NLGN1: variants seen among roughly 807,000 people sequenced by gnomAD.
NLGN1 encodes the protein neuroligin 1.
A neutral mutation model predicts 65.5 loss-of-function variants in NLGN1; 12 were observed. That is an observed-to-expected ratio of 0.18 (90% CI 0.12 to 0.30). NLGN1 has a LOEUF of 0.30. Ranked by LOEUF, NLGN1 falls within the 10% of genes least tolerant of loss-of-function variation. NLGN1 has a pLI of 1.00. For synonymous variants in NLGN1, 350 were observed against 359.5 expected, an observed-to-expected ratio of 0.97 and a Z score of 0.30; for missense variants, 750 against 1,007.1, an observed-to-expected ratio of 0.74 and a Z score of 3.46.
chr3:173,721,956 G>A (rs778390604), intron 3 of NLGN1, among the ~76,000 whole-genome samples: 1 of 151,720 alleles, frequency 6.6e-6, no homozygotes, highest in South Asian at 2.1e-4. Flanking sequence ...AAAAAAAAGG[G>A]ACCCCAGTGG....
At chr3:174,131,048 G>A (rs1681677932) in intron 4 of NLGN1, among the ~76,000 whole-genome samples, 1 of 152,096 alleles carries the variant, frequency 6.6e-6, no homozygotes, top group Admixed American at 6.5e-5. Context: ...TGTAATGAAT[G>A]TATCAATTAT....
intron 4 of NLGN1, among the ~76,000 whole-genome samples, chr3:174,075,881 T>C (rs953384765): frequency 6.6e-6 from 1 of 152,206 alleles, no homozygotes; most frequent in African/African-American, 2.4e-5. Context: ...TATCAAATCA[T>C]GCATGGAAAT....
chr3:173,396,365 T>A (rs959511414), upstream of NLGN1: 2 of 152,336 alleles, frequency 1.3e-5, no homozygotes, highest in African/African-American at 4.8e-5. Flanking sequence ...TGCTCTTCGC[T>A]GTCCCCTCCC....
At position 173,690,193 on chromosome 3, in the gene NLGN1, A is replaced by AG; in HGVS notation, c.493+85104dup. Reference sequence around the variant, plus strand: ...GAACTAATGGTCTTGGCGTGGATTCAGGTTAGAACGGCTTGTATTAAATAT... The same window carrying AG: ...GAACTAATGGTCTTGGCGTGGATTCAGGGTTAGAACGGCTTGTATTAAATAT... On this transcript the variant is annotated intron_variant, in intron 3 of 6. Transcript: ENST00000457714. Among the ~76,000 whole-genome samples, 4 of 152,332 alleles carry AG rather than the reference A, an allele frequency of 2.6e-5. No homozygotes were observed. In the South Asian group the frequency reaches 8.3e-4, roughly 32 times the overall value.
intron 2 of NLGN1, among the ~76,000 whole-genome samples, chr3:173,490,099 A>T (rs886469567): frequency 2.0e-5 from 3 of 151,978 alleles, no homozygotes; most frequent in Non-Finnish European, 4.4e-5. Flanking sequence ...ATTTGATCCC[A>T]CTTGTCAATT....
intron 4 of NLGN1, among the ~76,000 whole-genome samples, chr3:174,255,934 C>T (rs1745668758): frequency 6.6e-6 from 1 of 152,116 alleles, no homozygotes; most frequent in African/African-American, 2.4e-5. Flanking sequence ...GTTGAGATTA[C>T]AGGCGTGAGC....
rs139315229 is a variant in NLGN1 at position 173,728,173 on chromosome 3, A to G, written c.494-79507A>G. 1.1e-3 allele frequency among the ~76,000 whole-genome samples: 175 copies of G among 152,232 alleles called. 1 individual carries two copies. Among genetic ancestry groups the G allele is most frequent in the African/African-American group, 3.9e-3 (162 of 41,552 alleles). ...AAGGTTGGGTAGAATTCGAAGTGAGAGAGAAGAATGGATGTGAGAGATGTG... is the reference window on the plus strand; with the variant it reads ...AAGGTTGGGTAGAATTCGAAGTGAGGGAGAAGAATGGATGTGAGAGATGTG... On this transcript the variant is annotated intron_variant, in intron 3 of 6. Coordinates refer to ENST00000457714, the Ensembl canonical transcript of NLGN1.
At chr3:174,219,554 A>G (rs1738248113) in intron 4 of NLGN1, among the ~76,000 whole-genome samples, 1 of 152,148 alleles carries the variant, frequency 6.6e-6, no homozygotes, top group Non-Finnish European at 1.5e-5. Flanking sequence ...ATTTCAGATG[A>G]TTACCTGCTA....
chr3:173,788,165 T>A (rs1440617400), intron 3 of NLGN1, among the ~76,000 whole-genome samples: 5 of 146,712 alleles, frequency 3.4e-5, no homozygotes, highest in Non-Finnish European at 5.9e-5. Context: ...AAATTTTCTG[T>A]ATTTTTTTTC....
In NLGN1 at chr3:173,523,813, G is replaced by A. The variant is rs138387357; in HGVS notation, c.-320-80466G>A. Among the ~76,000 whole-genome samples the A allele has an allele frequency of 4.1e-3, 626 of 151,482 alleles. 17 individuals are homozygous for A. Among genetic ancestry groups the A allele is most frequent in the Middle Eastern group, 0.014 (4 of 292 alleles). ...GAAAAATGGCATTGACCATTTGATA[G>A]GAATTGCATTTAATCTGTAGATTGC... On this transcript the variant is annotated intron_variant, in intron 2 of 6. Coordinates refer to ENST00000457714, the Ensembl canonical transcript of NLGN1.
chr3:173,807,566 T>G, intron 3 of NLGN1, 114 bp from the exon 4 acceptor site: 1 of 1,207,960 alleles, frequency 8.3e-7, no homozygotes, highest in Admixed American at 2.3e-5. Context: ...AAACAGCAGT[T>G]TAAGAACTAT....
intron 4 of NLGN1, among the ~76,000 whole-genome samples, chr3:174,061,054 A>C (rs180693557): frequency 6.6e-6 from 1 of 152,108 alleles, no homozygotes; most frequent in East Asian, 1.9e-4. Flanking sequence ...CTATTAAATA[A>C]GGTCTCAATA....
chr3:173,951,647 GA>G (rs1748231230), intron 4 of NLGN1, among the ~76,000 whole-genome samples: 1 of 151,782 alleles, frequency 6.6e-6, no homozygotes, highest in African/African-American at 2.4e-5. Context: ...ATTTTTAGTA[GA>G]GATGGAGTTT....
At chr3:173,964,980 G>C (rs1319385710) in intron 4 of NLGN1, among the ~76,000 whole-genome samples, 1 of 152,058 alleles carries the variant, frequency 6.6e-6, no homozygotes, top group East Asian at 1.9e-4. Flanking sequence ...GTTATAAGTA[G>C]CTATGCAGCA....
chr3:173,568,449 C>T (rs1744083182), intron 2 of NLGN1, among the ~76,000 whole-genome samples: 1 of 151,924 alleles, frequency 6.6e-6, no homozygotes, highest in African/African-American at 2.4e-5. Flanking sequence ...GGCCAGGCTG[C>T]CCTCGAACTC....
chr3:173,833,131 A>G (rs1374232559), intron 4 of NLGN1, among the ~76,000 whole-genome samples: 1 of 152,224 alleles, frequency 6.6e-6, no homozygotes, highest in Non-Finnish European at 1.5e-5. Context: ...TTACTGGATT[A>G]CAGTATATGT....
chr3:173,742,715 C>A (rs1774835811), intron 3 of NLGN1, among the ~76,000 whole-genome samples: 1 of 152,010 alleles, frequency 6.6e-6, no homozygotes, highest in Admixed American at 6.6e-5. Flanking sequence ...GTCTACATTT[C>A]TTTTTTACTT....
At chr3:173,977,781 C>G (rs1222968013) in intron 4 of NLGN1, among the ~76,000 whole-genome samples, 1 of 152,014 alleles carries the variant, frequency 6.6e-6, no homozygotes, top group East Asian at 1.9e-4. Flanking sequence ...GTTCATTAAA[C>G]TAATTTGGAA....
chr3:173,559,381 G>T (rs1466856783), intron 2 of NLGN1, among the ~76,000 whole-genome samples: 3 of 152,162 alleles, frequency 2.0e-5, no homozygotes, highest in Non-Finnish European at 4.4e-5. Context: ...GTCTGTGGCA[G>T]ACCCTTTCTT....
Sources: allele counts gnomAD v4.1 joint callset (sites outside exome capture counted in the v4.1 genomes callset), GRCh38; gene constraint gnomAD v4.1.1; transcripts MANE v1.5; gene names NCBI Gene and HGNC (gene_info 2026-07-23, HGNC 2026-07-21).